PSME4: variants seen among roughly 807,000 people sequenced by gnomAD.
PSME4 encodes proteasome activator complex subunit 4.
In PSME4, 89 loss-of-function variants were observed where a neutral mutation model predicts 253.9. The observed-to-expected ratio is 0.35, with a 90% CI of 0.30 to 0.42. The LOEUF is 0.42. Ranked by LOEUF, PSME4 falls within the 10% of genes least tolerant of loss-of-function variation. The pLI is 1.00. For synonymous variants in PSME4, 851 were observed against 759.2 expected (o/e 1.12, Z -1.99); for missense variants, 2,014 against 2,195.2 (o/e 0.92, Z 1.65).
intron 1 of PSME4, among the ~76,000 whole-genome samples, chr2:53,965,676 T>TG (rs1238480166): frequency 6.6e-6 from 1 of 151,336 alleles, no homozygotes; most frequent in Non-Finnish European, 1.5e-5. Context: ...TTTTGTTTTT[T>TG]TTTTTTTGAG....
In PSME4 at chr2:53,932,732, T is replaced by A; in HGVS notation, c.986A>T (p.His329Leu). The A allele has an allele frequency of 6.2e-7, 1 of 1,613,880 alleles. No individual in the cohort carries two copies. Among genetic ancestry groups the A allele is most frequent in the Non-Finnish European group, 8.5e-7 (1 of 1,179,748 alleles). ...GATGCTGTTAAACAAACCAGCTAAG[T>A]GTTTTTGCACTAGCTTACTTGGTCC... ...MGGPSKLVQK[H>L]LAGLFNSITS... The change falls in exon 9 of 47, where the codon CAC (histidine) becomes CTC (leucine). Residue 329 changes from histidine (H) to leucine (L), a missense_variant. Physicochemically the swap from His to Leu is moderately conservative, Grantham distance 99. Coordinates refer to ENST00000404125, the MANE Select transcript of PSME4 (RefSeq NM_014614.3).
chr2:53,958,044 G>C (rs1250479962), intron 1 of PSME4, among the ~76,000 whole-genome samples: 2 of 151,942 alleles, frequency 1.3e-5, no homozygotes, highest in Non-Finnish European at 2.9e-5. Flanking sequence ...AAATTAGCTG[G>C]GCATGGTGGC....
chr2:53,904,358 C>A (rs805428), intron 26 of PSME4, among the ~76,000 whole-genome samples: 43,276 of 152,032 alleles, frequency 0.28, 6,585 homozygotes, highest in South Asian at 0.48. Flanking sequence ...CGACCATATC[C>A]ATGGTTTAGG....
intron 3 of PSME4, among the ~76,000 whole-genome samples, chr2:53,947,137 C>G (rs1669749219): frequency 6.6e-6 from 1 of 152,134 alleles, no homozygotes. Flanking sequence ...CAATTAGGAC[C>G]TAAGTTGAAG....
chr2:53,958,614 C>T (rs1670341260), intron 1 of PSME4, among the ~76,000 whole-genome samples: 1 of 151,982 alleles, frequency 6.6e-6, no homozygotes, highest in African/African-American at 2.4e-5. Context: ...AGATTCAGGA[C>T]AATAATGACT....
At chr2:53,946,182 T>A (rs1354892214) in intron 3 of PSME4, among the ~76,000 whole-genome samples, 2 of 152,210 alleles carry the variant, frequency 1.3e-5, no homozygotes, top group Non-Finnish European at 2.9e-5. Flanking sequence ...AAAAGCAGCA[T>A]GTGCCTTTGC....
At chr2:53,893,464 G>T (rs1181961347) in intron 35 of PSME4, among the ~76,000 whole-genome samples, 1 of 152,042 alleles carries the variant, frequency 6.6e-6, no homozygotes, top group Non-Finnish European at 1.5e-5. Context: ...CTTACTAATT[G>T]TATTATATAT....
intron 8 of PSME4, 89 bp downstream of exon 8, chr2:53,934,516 T>C (rs1669013216): frequency 1.5e-6 from 2 of 1,340,922 alleles, no homozygotes; most frequent in Admixed American, 2.0e-5. Context: ...CAAGCCACTA[T>C]TATCAACTTC....
chr2:53,926,210 C>T (rs1475359578), intron 12 of PSME4, among the ~76,000 whole-genome samples, 187 bp from the exon 13 acceptor site: 1 of 152,116 alleles, frequency 6.6e-6, no homozygotes, highest in Non-Finnish European at 1.5e-5. Flanking sequence ...CTACTACTTT[C>T]TAGGAACCAA....
intron 28 of PSME4, among the ~76,000 whole-genome samples, chr2:53,900,589 T>C (rs1680350549): frequency 1.3e-5 from 2 of 152,140 alleles, no homozygotes; most frequent in Admixed American, 1.3e-4. Flanking sequence ...TACACAGCCC[T>C]GTGAATATTC....
chr2:53,888,138 C>T, intron 38 of PSME4, 149 bp from the exon 39 acceptor site: 2 of 660,836 alleles, frequency 3.0e-6, no homozygotes, highest in Non-Finnish European at 4.5e-6. Flanking sequence ...AAAATAGCCT[C>T]TTTATGAAGA....
chr2:53,891,248 T>C (rs900677144), intron 36 of PSME4, among the ~76,000 whole-genome samples: 2 of 152,196 alleles, frequency 1.3e-5, no homozygotes, highest in African/African-American at 4.8e-5. Context: ...CATAAAAACA[T>C]GTACGTCGTA....
intron 43 of PSME4, among the ~76,000 whole-genome samples, chr2:53,872,169 T>A (rs1431997155): frequency 6.6e-6 from 1 of 152,240 alleles, no homozygotes; most frequent in African/African-American, 2.4e-5. Context: ...CAGGGTCTAC[T>A]TCTGAGATAT....
At chr2:53,915,430 ACT>A (rs1040557054) in intron 20 of PSME4, among the ~76,000 whole-genome samples, 12 of 150,626 alleles carry the variant, frequency 8.0e-5, no homozygotes, top group Admixed American at 2.6e-4. Context: ...ACAGAGCAAG[ACT>A]CTATCTCAAA....
rs1223931718 is a variant in PSME4 at position 53,867,501 on chromosome 2, G to GAAAA, written c.5264-622_5264-621insTTTT. Among the ~76,000 whole-genome samples, 26 of 113,412 alleles carry GAAAA rather than the reference G, an allele frequency of 2.3e-4. 7 individuals are homozygous for GAAAA. In the East Asian group the frequency reaches 2.9e-3, roughly 13 times the overall value. The allele number at this position is 113,412 out of a possible 152,430, so 74.4% of individuals were successfully genotyped here. On this transcript the variant is annotated intron_variant, in intron 44 of 46. Transcript: ENST00000404125. Reference sequence around the variant, plus strand: ...GATACAGAGTGAGGCTCCGTCTCAAGGAAAAAAAAAAAAAAAAAAAAGCTA... The same window carrying GAAAA: ...GATACAGAGTGAGGCTCCGTCTCAAGAAAAGAAAAAAAAAAAAAAAAAAAAGCTA...
intron 29 of PSME4, among the ~76,000 whole-genome samples, chr2:53,899,155 C>T (rs1680275045): frequency 6.6e-6 from 1 of 152,148 alleles, no homozygotes; most frequent in African/African-American, 2.4e-5. Flanking sequence ...ACCTCTGCCT[C>T]CCAGGTTCAA....
chr2:53,960,215 C>A (rs546748624), intron 1 of PSME4, among the ~76,000 whole-genome samples: 88 of 151,904 alleles, frequency 5.8e-4, no homozygotes, highest in African/African-American at 2.0e-3. Context: ...GCCTGGCCAA[C>A]ATGGCGAAAC....
At chr2:53,888,018 T>G (rs761815712) in intron 38 of PSME4, 29 bp from the exon 39 acceptor site, 4 of 1,588,772 alleles carry the variant, frequency 2.5e-6, no homozygotes, top group Non-Finnish European at 3.4e-6. Flanking sequence ...AGTGTTATAT[T>G]GGAGGCCCTT....
Position 53,895,754 on chromosome 2 carries a change from A to T in PSME4, c.3689-18T>A, listed in dbSNP as rs766701730. ...GCATCCACCTAAGGAAAAGACAATCACATTTGATGAATTTAAAAATATTCG... is the reference window on the plus strand; with the variant it reads ...GCATCCACCTAAGGAAAAGACAATCTCATTTGATGAATTTAAAAATATTCG... On this transcript the variant is annotated intron_variant, in intron 32 of 46. Transcript: ENST00000404125. The T allele has an allele frequency of 1.1e-5, 17 of 1,549,948 alleles. No individual in the cohort carries two copies. Among genetic ancestry groups the T allele is most frequent in the Admixed American group, 4.4e-5 (2 of 45,950 alleles).
Sources: gnomAD v4.1 joint callset for allele counts (sites outside exome capture counted in the v4.1 genomes callset) on GRCh38, gnomAD v4.1.1 for gene constraint, MANE v1.5 for transcripts, NCBI Gene and HGNC (gene_info 2026-07-23, HGNC 2026-07-21) for gene names.